OR8B2: variants seen among roughly 807,000 people sequenced by gnomAD.
The protein encoded by OR8B2 is olfactory receptor family 8 subfamily B member 2.
For missense variants in OR8B2, 304 were observed against 379.6 expected, an observed-to-expected ratio of 0.80 and a Z score of 1.65; for synonymous variants, 98 against 138.2, an observed-to-expected ratio of 0.71 and a Z score of 2.04.
chr11:124,391,806 C>G, the OR8B2 span, among the ~76,000 whole-genome samples: 1 of 151,558 alleles, frequency 6.6e-6, no homozygotes, highest in Admixed American at 6.6e-5. Flanking sequence ...AGAGACACAA[C>G]CAAAAAAGAG....
upstream of OR8B2, among the ~76,000 whole-genome samples, chr11:124,384,908 A>G (rs141757340): frequency 2.6e-5 from 4 of 152,338 alleles, no homozygotes; most frequent in African/African-American, 9.6e-5. Flanking sequence ...AATTATAATT[A>G]TCGGCAGTGT....
At chr11:124,396,917 A>C in the OR8B2 span, 3 of 1,605,952 alleles carry the variant, frequency 1.9e-6, no homozygotes, top group Non-Finnish European at 2.6e-6. Flanking sequence ...AAGCAGCAAA[A>C]GTGAGCATAG....
At chr11:124,387,698 C>T (rs1195888511), upstream of OR8B2, among the ~76,000 whole-genome samples, 2 of 144,432 alleles carry the variant, frequency 1.4e-5, no homozygotes, top group Non-Finnish European at 3.0e-5. Context: ...AGCGTGATGC[C>T]TCCAGCTTTG....
the OR8B2 span, among the ~76,000 whole-genome samples, chr11:124,393,582 A>C: frequency 6.6e-6 from 1 of 150,564 alleles, no homozygotes; most frequent in Non-Finnish European, 1.5e-5. Context: ...CACACCAGTT[A>C]AAACGGCAAT....
chr11:124,382,495 C>T lies in OR8B2; in HGVS notation c.849G>A (p.Met283Ile). 1 of 1,614,052 alleles carries T rather than the reference C, an allele frequency of 6.2e-7. No homozygotes were observed. The highest frequency in any genetic ancestry group is 1.1e-5 in the South Asian group (1 of 91,068). Residue 283 changes from methionine to isoleucine, a missense_variant, in exon 2 of 2, where the codon ATG becomes ATA. Met to Ile is a conservative substitution (Grantham distance 10). Transcript: ENST00000641451. ...SSVFYTNVVP[M>I]LNPLIYSLRN... The stretch of plus-strand genomic sequence containing the variant: ...TCAAACTGTAGATGAGGGGATTGAG[C>T]ATGGGCACCACATTAGTGTAGAAAA...
the OR8B2 span, among the ~76,000 whole-genome samples, chr11:124,390,179 T>G: frequency 1.3e-5 from 2 of 152,244 alleles, no homozygotes; most frequent in African/African-American, 4.8e-5. Context: ...AATGCTTGAC[T>G]GGGACAAAGT....
chr11:124,393,154 A>C, the OR8B2 span, among the ~76,000 whole-genome samples: 2 of 147,648 alleles, frequency 1.4e-5, no homozygotes, highest in East Asian at 1.9e-4. Context: ...CTAAAACCCC[A>C]AAAACCCTAG....
At chr11:124,396,761 C>A in the OR8B2 span, 1 of 1,613,802 alleles carries the variant, frequency 6.2e-7, no homozygotes, top group Non-Finnish European at 8.5e-7. Flanking sequence ...TGAGAACAAC[C>A]ACCTCGTTGA....
the OR8B2 span, among the ~76,000 whole-genome samples, chr11:124,392,709 A>G: frequency 1.4e-5 from 2 of 142,346 alleles, no homozygotes; most frequent in East Asian, 2.0e-4. Flanking sequence ...TATAGATTCA[A>G]TGCCATCCCC....
chr11:124,391,680 G>C, the OR8B2 span, among the ~76,000 whole-genome samples: 1 of 151,954 alleles, frequency 6.6e-6, no homozygotes, highest in Non-Finnish European at 1.5e-5. Context: ...TTCTACCAGA[G>C]GTACAAGGAG....
the OR8B2 span, chr11:124,395,654 G>A: frequency 1.3e-5 from 2 of 152,118 alleles, no homozygotes; most frequent in African/African-American, 4.8e-5. Flanking sequence ...TGCTGTTTTA[G>A]ATAGCAATGA....
upstream of OR8B2, among the ~76,000 whole-genome samples, chr11:124,384,985 A>G (rs761165895): frequency 9.9e-5 from 15 of 152,218 alleles, no homozygotes; most frequent in Non-Finnish European, 1.3e-4. Context: ...TAATATTGTG[A>G]GTCCTTTTAA....
the OR8B2 span, among the ~76,000 whole-genome samples, chr11:124,392,767 A>G: frequency 6.7e-6 from 1 of 149,838 alleles, no homozygotes; most frequent in South Asian, 2.1e-4. Flanking sequence ...AAACTACTTT[A>G]AAGTTCACAT....
chr11:124,395,757 C>T, the OR8B2 span: 2 of 152,282 alleles, frequency 1.3e-5, no homozygotes, highest in African/African-American at 4.8e-5. Context: ...TAAATGCTGC[C>T]TTTGGCAATA....
At chr11:124,386,624 A>T (rs192451081), upstream of OR8B2, among the ~76,000 whole-genome samples, 4,095 of 151,492 alleles carry the variant, frequency 0.027, 121 homozygotes, top group African/African-American at 0.072. Flanking sequence ...TCCATGGTGT[A>T]CACGTGCCAC....
upstream of OR8B2, among the ~76,000 whole-genome samples, chr11:124,388,846 G>A (rs1435758554): frequency 6.8e-5 from 4 of 58,396 alleles, 1 homozygote; most frequent in Non-Finnish European, 1.4e-4. Context: ...TTTTTTTTTT[G>A]AGATGGAGTC....
chr11:124,385,285 G>A (rs898600430), upstream of OR8B2, among the ~76,000 whole-genome samples: 20 of 152,102 alleles, frequency 1.3e-4, no homozygotes, highest in African/African-American at 4.1e-4. Flanking sequence ...CTTGTGAGAA[G>A]GCATCTATAT....
chr11:124,389,358 A>G (rs186732996), upstream of OR8B2, among the ~76,000 whole-genome samples: 262 of 152,342 alleles, frequency 1.7e-3, 1 homozygote, highest in African/African-American at 6.0e-3. Flanking sequence ...CTACTATGCA[A>G]TCTTTACAAA....
At chr11:124,385,491 C>CGT (rs57427804), upstream of OR8B2, among the ~76,000 whole-genome samples, 1,051 of 148,082 alleles carry the variant, frequency 7.1e-3, 5 homozygotes, top group South Asian at 0.05. Flanking sequence ...ATTTAACATG[C>CGT]GTGTGTGTGT....
Sources: allele counts gnomAD v4.1 joint callset (sites outside exome capture counted in the v4.1 genomes callset), GRCh38; gene constraint gnomAD v4.1.1; transcripts MANE v1.5; gene names NCBI Gene and HGNC (gene_info 2026-07-23, HGNC 2026-07-21).